HDAC9: variants seen among roughly 807,000 people sequenced by gnomAD.
HDAC9 encodes MEF-2 interacting transcription repressor (MITR) protein.
HDAC9 carries 41 observed loss-of-function variants against 139.4 expected under a neutral mutation model. The observed-to-expected ratio is 0.29, with a 90% CI of 0.23 to 0.38. HDAC9 has a LOEUF of 0.38. Ranked by LOEUF, HDAC9 falls within the 10% of genes least tolerant of loss-of-function variation. HDAC9 has a pLI of 1.00. For synonymous variants in HDAC9, 517 were observed against 476.2 expected, an observed-to-expected ratio of 1.09 and a Z score of -1.12; for missense variants, 1,147 against 1,297.0, an observed-to-expected ratio of 0.88 and a Z score of 1.78.
chr7:18,584,140 C>CTTTTT (rs3084518), intron 2 of HDAC9, among the ~76,000 whole-genome samples: 3,513 of 107,568 alleles, frequency 0.033, 284 homozygotes, highest in African/African-American at 0.076. Flanking sequence ...AAGCAGCATT[C>CTTTTT]TTTTTTTTTT....
chr7:18,783,353 G>T (rs1386640037), intron 16 of HDAC9, among the ~76,000 whole-genome samples: 3 of 152,074 alleles, frequency 2.0e-5, no homozygotes, highest in Admixed American at 1.3e-4. Context: ...TAAGGGGCAA[G>T]GTTTTGTTTA....
intron 22 of HDAC9, among the ~76,000 whole-genome samples, chr7:18,914,299 T>C (rs1802997743): frequency 6.6e-6 from 1 of 151,680 alleles, no homozygotes; most frequent in African/African-American, 2.4e-5. Flanking sequence ...CAGTTTATGG[T>C]ATTTTGTTAC....
intron 2 of HDAC9, among the ~76,000 whole-genome samples, chr7:18,163,638 C>G (rs986354463): frequency 6.6e-6 from 1 of 152,104 alleles, no homozygotes; most frequent in Non-Finnish European, 1.5e-5. Context: ...TACAGACAAC[C>G]TTGTTTAAGT....
At chr7:18,903,580 G>A (rs1415470509) in intron 22 of HDAC9, among the ~76,000 whole-genome samples, 1 of 152,138 alleles carries the variant, frequency 6.6e-6, no homozygotes, top group Non-Finnish European at 1.5e-5. Flanking sequence ...CAGCCAGCAT[G>A]TGACCCTGAA....
At chr7:18,894,398 G>A (rs1383606605) in intron 22 of HDAC9, among the ~76,000 whole-genome samples, 3 of 152,072 alleles carry the variant, frequency 2.0e-5, no homozygotes, top group African/African-American at 7.2e-5. Flanking sequence ...GTGCTGTCCT[G>A]TAGCCCAATG....
At chr7:18,922,991 AG>A (rs1803893550) in intron 22 of HDAC9, among the ~76,000 whole-genome samples, 1 of 152,132 alleles carries the variant, frequency 6.6e-6, no homozygotes, top group African/African-American at 2.4e-5. Flanking sequence ...GGAAATTATT[AG>A]GATGAGTTAC....
At chr7:18,437,639 ATTGT>A (rs1178330826) in intron 1 of HDAC9, among the ~76,000 whole-genome samples, 2 of 151,410 alleles carry the variant, frequency 1.3e-5, no homozygotes, top group Non-Finnish European at 2.9e-5. Context: ...ACACGCACAC[ATTGT>A]TTGGTACTAT....
At chr7:18,653,894 A>G (rs1790191536) in intron 11 of HDAC9, among the ~76,000 whole-genome samples, 2 of 152,108 alleles carry the variant, frequency 1.3e-5, no homozygotes, top group Admixed American at 1.3e-4. Flanking sequence ...CTTGATTTAT[A>G]CCCATTCCCT....
At chr7:18,383,598 A>C (rs78048118) in intron 1 of HDAC9, among the ~76,000 whole-genome samples, 1 of 152,222 alleles carries the variant, frequency 6.6e-6, no homozygotes, top group African/African-American at 2.4e-5. Flanking sequence ...ATGTAAAAAA[A>C]GAAAGCAGGA....
At chr7:18,747,861 A>G (rs943506723) in intron 13 of HDAC9, among the ~76,000 whole-genome samples, 7 of 152,236 alleles carry the variant, frequency 4.6e-5, no homozygotes, top group Admixed American at 1.3e-4. Context: ...TCTCTTGAGT[A>G]ACATTTCTTT....
intron 23 of HDAC9, among the ~76,000 whole-genome samples, chr7:18,937,390 A>T: frequency 6.6e-6 from 1 of 152,118 alleles, no homozygotes; most frequent in Non-Finnish European, 1.5e-5. Flanking sequence ...TTATCTAATG[A>T]TTAGTGTCAA....
chr7:18,562,182 T>G (rs1028904416), intron 2 of HDAC9, among the ~76,000 whole-genome samples: 3 of 152,156 alleles, frequency 2.0e-5, no homozygotes, highest in African/African-American at 7.2e-5. Context: ...ATTGGGTCAT[T>G]TTTATTTTGA....
chr7:18,350,422 G>A (rs1782763590), intron 1 of HDAC9, among the ~76,000 whole-genome samples: 1 of 152,128 alleles, frequency 6.6e-6, no homozygotes. Context: ...TTTATCACCA[G>A]CTGGTCAATC....
chr7:18,433,273 C>T (rs1790853872), intron 1 of HDAC9, among the ~76,000 whole-genome samples: 1 of 152,092 alleles, frequency 6.6e-6, no homozygotes, highest in African/African-American at 2.4e-5. Context: ...GTGACAAACC[C>T]ATAGCCAACA....
intron 1 of HDAC9, among the ~76,000 whole-genome samples, chr7:18,405,037 G>A (rs1187582208): frequency 6.6e-6 from 1 of 152,166 alleles, no homozygotes; most frequent in East Asian, 1.9e-4. Flanking sequence ...CCGAACATGT[G>A]CAACTTTGGG....
chr7:18,293,854 C>T (rs1797975584), intron 1 of HDAC9, among the ~76,000 whole-genome samples: 1 of 151,984 alleles, frequency 6.6e-6, no homozygotes, highest in African/African-American at 2.4e-5. Flanking sequence ...TTTGTCAATG[C>T]ATTATGTCAC....
chr7:18,683,357 A>G (rs1488541091), intron 12 of HDAC9, among the ~76,000 whole-genome samples: 1 of 152,086 alleles, frequency 6.6e-6, no homozygotes. Flanking sequence ...AACCTGCACC[A>G]GTCTTGATCA....
At chr7:18,157,831 GAGAGAGAGA>G in intron 1 of HDAC9, among the ~76,000 whole-genome samples, 1 of 151,868 alleles carries the variant, frequency 6.6e-6, no homozygotes, top group Admixed American at 6.6e-5. Flanking sequence ...GAGAGAGAGA[GAGAGAGAGA>G]GAGAGAGAGA....
intron 2 of HDAC9, chr7:18,260,415 T>G (rs1795589471): frequency 6.6e-6 from 1 of 150,772 alleles, no homozygotes; most frequent in South Asian, 2.1e-4. Context: ...ACCACCTGGA[T>G]TCATGCCATT....
Sources: gnomAD v4.1 joint callset for allele counts (sites outside exome capture counted in the v4.1 genomes callset) on GRCh38, gnomAD v4.1.1 for gene constraint, MANE v1.5 for transcripts, NCBI Gene and HGNC (gene_info 2026-07-23, HGNC 2026-07-21) for gene names.